Variants in USP25 observed in about 807,000 individuals in gnomAD.
USP25 encodes ubiquitin specific peptidase 25.
Under a neutral mutation model 158.5 loss-of-function variants are expected in USP25, and 85 were observed. The observed-to-expected ratio is 0.54, with a 90% CI of 0.45 to 0.64. USP25 has a LOEUF of 0.64. Among genes scored for constraint, USP25 ranks in the 30% least tolerant of loss-of-function variants. The probability of loss-of-function intolerance (pLI) is 0.00; values close to 1 mark genes in which losing one functional copy is unlikely to be tolerated. For missense variants in USP25, 1,242 were observed against 1,327.3 expected (o/e 0.94, Z 1.00); for synonymous variants, 464 against 460.4 (o/e 1.01, Z -0.10).
intron 6 of USP25, among the ~76,000 whole-genome samples, chr21:15,804,662 G>C (rs1307592267): frequency 6.6e-6 from 1 of 152,018 alleles, no homozygotes; most frequent in Non-Finnish European, 1.5e-5. Flanking sequence ...GTCTGGAAAG[G>C]CTTCATGGAG....
At chr21:15,870,595 T>C (rs1309100737) in intron 23 of USP25, among the ~76,000 whole-genome samples, 1 of 152,198 alleles carries the variant, frequency 6.6e-6, no homozygotes, top group Non-Finnish European at 1.5e-5. Context: ...TATTTAATTA[T>C]ACTATTATTT....
chr21:15,814,554 G>T (rs192631023), intron 9 of USP25, among the ~76,000 whole-genome samples: 1 of 152,226 alleles, frequency 6.6e-6, no homozygotes, highest in Non-Finnish European at 1.5e-5. Flanking sequence ...GGCTGAGGTG[G>T]TCTCAGATGG....
At chr21:15,750,006 G>T (rs954619156) in intron 1 of USP25, among the ~76,000 whole-genome samples, 1 of 152,182 alleles carries the variant, frequency 6.6e-6, no homozygotes, top group Middle Eastern at 3.4e-3. Flanking sequence ...GGTGTTTGGG[G>T]AGGAGAGGCT....
chr21:15,802,581 C>T (rs547784393), intron 6 of USP25, among the ~76,000 whole-genome samples: 1 of 151,502 alleles, frequency 6.6e-6, no homozygotes, highest in African/African-American at 2.4e-5. Context: ...TGAGTAATGT[C>T]AGAATATTGT....
At chr21:15,808,321 G>A (rs1162908528) in intron 7 of USP25, among the ~76,000 whole-genome samples, 1 of 152,098 alleles carries the variant, frequency 6.6e-6, no homozygotes, top group African/African-American at 2.4e-5. Flanking sequence ...GATAGTAAAG[G>A]TAGATATGGC....
chr21:15,869,686 T>C (rs1387099407), intron 22 of USP25, among the ~76,000 whole-genome samples: 2 of 152,216 alleles, frequency 1.3e-5, no homozygotes, highest in African/African-American at 2.4e-5. Context: ...CTTTGATTCA[T>C]ACTCAGCGTA....
intron 19 of USP25, among the ~76,000 whole-genome samples, chr21:15,849,377 G>A (rs968168387): frequency 3.3e-5 from 5 of 152,246 alleles, no homozygotes; most frequent in African/African-American, 4.8e-5. Context: ...TAGACAAGGG[G>A]CAGAAGTGGG....
At position 15,847,492 on chromosome 21, in the gene USP25, A is replaced by G. The variant is rs193169129; in HGVS notation, c.2338-171A>G. Among the ~76,000 whole-genome samples, 1,250 of 152,304 alleles carry G rather than the reference A, an allele frequency of 8.2e-3. 10 individuals are homozygous for G. Among genetic ancestry groups the G allele is most frequent in the Non-Finnish European group, 0.014 (957 of 68,014 alleles). Reference sequence around the variant, plus strand: ...TGCAGGTATTTTTAAAAGATTTAAGAGTATGTGCTTAAACAGTTTAATAGT... The same window carrying G: ...TGCAGGTATTTTTAAAAGATTTAAGGGTATGTGCTTAAACAGTTTAATAGT... On this transcript the variant is annotated intron_variant, in intron 18 of 25. Coordinates refer to ENST00000400183, the MANE Select transcript of USP25 (RefSeq NM_001283041.3).
intron 1 of USP25, among the ~76,000 whole-genome samples, chr21:15,734,734 T>C (rs1047885715): frequency 6.6e-6 from 1 of 152,160 alleles, no homozygotes; most frequent in African/African-American, 2.4e-5. Flanking sequence ...ATTGTTTCCT[T>C]ATAATATGGA....
intron 1 of USP25, among the ~76,000 whole-genome samples, chr21:15,732,752 T>C (rs2031054708): frequency 6.6e-6 from 1 of 152,224 alleles, no homozygotes; most frequent in South Asian, 2.1e-4. Context: ...TGTAAGTTTT[T>C]TTGTTGTTTG....
intron 1 of USP25, among the ~76,000 whole-genome samples, chr21:15,756,217 G>A (rs567192059): frequency 6.6e-6 from 1 of 152,228 alleles, no homozygotes; most frequent in South Asian, 2.1e-4. Context: ...AATTATCCAA[G>A]ACAATTTCGT....
At chr21:15,871,039 C>T (rs2039865065) in intron 23 of USP25, among the ~76,000 whole-genome samples, 1 of 152,166 alleles carries the variant, frequency 6.6e-6, no homozygotes, top group African/African-American at 2.4e-5. Context: ...TATTTTTAGC[C>T]AGCACAGAAC....
rs775889323 is a variant in USP25 at position 15,748,155 on chromosome 21, CA to C, written c.46-14735del. Among the ~76,000 whole-genome samples, 36 of 152,290 alleles carry C rather than the reference CA, an allele frequency of 2.4e-4. 2 individuals carry two copies. Among genetic ancestry groups the C allele is most frequent in the East Asian group, 1.4e-3 (7 of 5,180 alleles). ...TCAGAATTTTTCCCCTCTGGAGAAC[CA>C]GCGACTTTATTGAACAGTTCCTCCT... On this transcript the variant is annotated intron_variant, in intron 1 of 25. Transcript: ENST00000400183.
chr21:15,872,029 T>G (rs1246587174), intron 23 of USP25, among the ~76,000 whole-genome samples: 17 of 147,570 alleles, frequency 1.2e-4, no homozygotes, highest in Non-Finnish European at 1.5e-4. Context: ...TTTTTTTTTT[T>G]TTTTTTTTTT....
At chr21:15,774,204 T>TTAG (rs2034512713) in intron 3 of USP25, among the ~76,000 whole-genome samples, 1 of 152,238 alleles carries the variant, frequency 6.6e-6, no homozygotes, top group African/African-American at 2.4e-5. Context: ...TTAAAATCCA[T>TTAG]TAGTGTTTCT....
rs547636434 is a variant in USP25, at chr21:15,816,316, A to G, written c.932-2382A>G. 2.1e-4 allele frequency among the ~76,000 whole-genome samples: 32 copies of G among 152,152 alleles called. No individual in the cohort carries two copies. The highest frequency in any genetic ancestry group is 4.1e-4 in the Non-Finnish European group (28 of 68,024). ...CCAGCCATGTGGAACTGTAGTTCCA[A>G]TTAATCCTCTTTTTCTTCCCAGTTT... On this transcript the variant is annotated intron_variant, in intron 9 of 25. Transcript: ENST00000400183. This position sits in a 1 kb window ranked among gnomAD's most constrained non-coding sequence, Gnocchi z 4.0.
intron 1 of USP25, among the ~76,000 whole-genome samples, chr21:15,759,024 G>T (rs2033571431): frequency 6.6e-6 from 1 of 152,056 alleles, no homozygotes; most frequent in African/African-American, 2.4e-5. Flanking sequence ...TGGGTACTAA[G>T]TAATTTTTCT....
Position 15,843,191 on chromosome 21 carries a change from A to G in USP25, c.2337+651A>G, listed in dbSNP as rs1050839324. ...ATCAGTGAATATGGCATTCTGAGAG[A>G]AGCTATTTCAAGAATTTGTTACTAC... On this transcript the variant is annotated intron_variant, in intron 18 of 25. Coordinates refer to ENST00000400183, the MANE Select transcript of USP25 (RefSeq NM_001283041.3). The surrounding 1 kb of genome is among the most constrained non-coding windows in gnomAD (Gnocchi z 4.0). Among the ~76,000 whole-genome samples the G allele has an allele frequency of 9.2e-5, 14 of 152,148 alleles. No homozygotes were observed. Among genetic ancestry groups the G allele is most frequent in the African/African-American group, 3.1e-4 (13 of 41,430 alleles).
At chr21:15,778,130 C>G in intron 4 of USP25, 103 bp downstream of exon 4, 1 of 1,088,086 alleles carries the variant, frequency 9.2e-7, no homozygotes, top group South Asian at 2.4e-5. Context: ...TACTTTGTTA[C>G]TCTAAACTAG....
Sources: allele counts gnomAD v4.1 joint callset (sites outside exome capture counted in the v4.1 genomes callset), GRCh38; gene constraint gnomAD v4.1.1; non-coding constraint Gnocchi (gnomAD v3.1); transcripts MANE v1.5; gene names NCBI Gene and HGNC (gene_info 2026-07-23, HGNC 2026-07-21).